The following TENM1 variants were observed in gnomAD, a reference collection of about 807,000 sequenced individuals.
TENM1 encodes the protein teneurin transmembrane protein 1, also known as teneurin-1.
In TENM1, 35 loss-of-function variants were observed where a neutral mutation model predicts 174.8. The observed-to-expected ratio is 0.20, with a 90% CI of 0.15 to 0.27. The LOEUF is 0.27. Among genes scored for constraint, TENM1 ranks in the 10% least tolerant of loss-of-function variants. The pLI, the probability that TENM1 is intolerant of heterozygous loss-of-function variation, is 1.00. For synonymous variants in TENM1, 781 were observed against 798.7 expected, an observed-to-expected ratio of 0.98 and a Z score of 0.37; for missense variants, 1,633 against 2,130.1, an observed-to-expected ratio of 0.77 and a Z score of 4.59.
chrX:125,109,177 GCACA>G, the TENM1 span, among the ~76,000 whole-genome samples: 1 of 107,020 alleles, frequency 9.3e-6, no homozygotes. Context: ...TCTACATGAC[GCACA>G]CACTTACACA....
intron 3 of TENM1, among the ~76,000 whole-genome samples, chrX:124,814,838 C>A (rs1236329842): frequency 9.0e-6 from 1 of 111,577 alleles, no homozygotes; most frequent in Non-Finnish European, 1.9e-5. Flanking sequence ...ATTTAACAGC[C>A]CTTTGGGTAT....
chrX:124,930,426 C>T (rs1369486375), intron 1 of TENM1, among the ~76,000 whole-genome samples: 1 of 111,993 alleles, frequency 8.9e-6, no homozygotes, highest in Non-Finnish European at 1.9e-5. Context: ...ACACCATTCA[C>T]TCCTCTGAGG....
At chrX:124,421,100 A>T (rs1485450636) in intron 24 of TENM1, among the ~76,000 whole-genome samples, 1 of 112,120 alleles carries the variant, frequency 8.9e-6, no homozygotes, top group Non-Finnish European at 1.9e-5. Context: ...TTGTATTATA[A>T]GAAACAAGAA....
intron 23 of TENM1, among the ~76,000 whole-genome samples, chrX:124,444,383 C>A (rs763633694): frequency 4.5e-5 from 5 of 112,081 alleles, no homozygotes; most frequent in Non-Finnish European, 9.4e-5. Context: ...TCTGTAATTA[C>A]ATCACATCAT....
chrX:125,031,901 T>G, the TENM1 span, among the ~76,000 whole-genome samples: 1 of 111,955 alleles, frequency 8.9e-6, no homozygotes, highest in Non-Finnish European at 1.9e-5. Context: ...TTTTAAAAAT[T>G]ATAAAAGTAA....
At chrX:124,507,279 A>C (rs1354825819) in intron 18 of TENM1, among the ~76,000 whole-genome samples, 1 of 110,899 alleles carries the variant, frequency 9.0e-6, no homozygotes, top group African/African-American at 3.3e-5. Flanking sequence ...AGAGTGAGTA[A>C]TTATTATGGA....
chrX:125,157,394 A>C, the TENM1 span, among the ~76,000 whole-genome samples: 3 of 112,194 alleles, frequency 2.7e-5, no homozygotes, highest in Non-Finnish European at 5.6e-5. Flanking sequence ...TACAAGTGTC[A>C]GCACCGAGTT....
At chrX:124,806,795 G>T (rs906442753) in intron 3 of TENM1, among the ~76,000 whole-genome samples, 4 of 111,672 alleles carry the variant, frequency 3.6e-5, no homozygotes, top group African/African-American at 1.3e-4. Flanking sequence ...TTACAATCAT[G>T]GTAGAAGGCA....
the TENM1 span, among the ~76,000 whole-genome samples, chrX:125,174,894 C>T: frequency 9.0e-6 from 1 of 111,644 alleles, no homozygotes. Context: ...CTGCCCTTGG[C>T]CTCAGTGTTC....
chrX:124,447,761 C>T (rs1356338013), intron 23 of TENM1, among the ~76,000 whole-genome samples: 1 of 111,131 alleles, frequency 9.0e-6, no homozygotes, highest in Non-Finnish European at 1.9e-5. Flanking sequence ...TGTGGGTTCT[C>T]ATTCCTCCGT....
intron 20 of TENM1, among the ~76,000 whole-genome samples, chrX:124,491,409 C>T (rs1198342543): frequency 9.0e-6 from 1 of 111,567 alleles, no homozygotes; most frequent in Non-Finnish European, 1.9e-5. Flanking sequence ...CCTAGTGAAA[C>T]CAACTCCTAA....
chrX:125,103,494 T>C, the TENM1 span, among the ~76,000 whole-genome samples: 1 of 111,550 alleles, frequency 9.0e-6, no homozygotes, highest in Non-Finnish European at 1.9e-5. Context: ...TAAGGTTCTA[T>C]TTTATTAAAA....
chrX:125,109,426 A>ACG, the TENM1 span, among the ~76,000 whole-genome samples: 1 of 110,332 alleles, frequency 9.1e-6, no homozygotes, highest in Admixed American at 9.7e-5. Flanking sequence ...GGTTTGTTAT[A>ACG]TAGGTAAACG....
At chrX:124,515,524 A>G (rs1173625952) in intron 18 of TENM1, among the ~76,000 whole-genome samples, 1 of 111,513 alleles carries the variant, frequency 9.0e-6, no homozygotes, top group African/African-American at 3.3e-5. Context: ...ATGTACAAAA[A>G]TCACTAGCAT....
Position 124,752,152 on chromosome X carries a change from T to G in TENM1, c.536-14955A>C, listed in dbSNP as rs745431468. Among the ~76,000 whole-genome samples the G allele has an allele frequency of 3.8e-3, 423 of 111,503 alleles. 2 individuals carry two copies. Among genetic ancestry groups the G allele is most frequent in the African/African-American group, 0.013 (391 of 30,597 alleles). Reference sequence around the variant, plus strand: ...ATTTCTCCACATCCTCTCCAACACCTGTTGTTTCCTGACTTTTTAGTGATT... The same window carrying G: ...ATTTCTCCACATCCTCTCCAACACCGGTTGTTTCCTGACTTTTTAGTGATT... On this transcript the variant is annotated intron_variant, in intron 3 of 31. Coordinates refer to ENST00000422452, the Ensembl canonical transcript of TENM1.
intron 1 of TENM1, among the ~76,000 whole-genome samples, chrX:124,962,912 AAC>A (rs2058677005): frequency 8.9e-6 from 1 of 112,634 alleles, no homozygotes; most frequent in African/African-American, 3.2e-5. Context: ...AATAGTGTCT[AAC>A]ACAGTTTATC....
chrX:125,030,099 A>T, the TENM1 span, among the ~76,000 whole-genome samples: 1 of 112,250 alleles, frequency 8.9e-6, no homozygotes, highest in Admixed American at 9.5e-5. Context: ...AAGGCATTTT[A>T]AATATATTTA....
chrX:124,443,074 G>GTA (rs1307068936), intron 23 of TENM1, among the ~76,000 whole-genome samples: 3 of 96,979 alleles, frequency 3.1e-5, no homozygotes, highest in African/African-American at 1.2e-4. Flanking sequence ...GTGTGTGTGT[G>GTA]TGTGTGTGTG....
chrX:124,745,429 T>C (rs776130352), intron 3 of TENM1, among the ~76,000 whole-genome samples: 5 of 111,798 alleles, frequency 4.5e-5, no homozygotes, highest in Admixed American at 1.9e-4. Flanking sequence ...TGCTCAGATA[T>C]AGGATCAAAA....
Sources: allele counts gnomAD v4.1 joint callset (sites outside exome capture counted in the v4.1 genomes callset), GRCh38; gene constraint gnomAD v4.1.1; transcripts MANE v1.5; gene names NCBI Gene and HGNC (gene_info 2026-07-23, HGNC 2026-07-21).